Variants in SMAD3 observed in about 807,000 individuals in gnomAD.
SMAD3 encodes MAD homolog 3.
A neutral mutation model predicts 51.8 loss-of-function variants in SMAD3; 12 were observed. The observed-to-expected ratio is 0.23, with a 90% CI of 0.15 to 0.38. The LOEUF is 0.38. Ranked by LOEUF, SMAD3 falls within the 10% of genes least tolerant of loss-of-function variation. The pLI is 1.00. For missense variants in SMAD3, 294 were observed against 565.6 expected (o/e 0.52, Z 4.87); for synonymous variants, 238 against 227.7 (o/e 1.05, Z -0.41).
chr15:67,113,258 T>A lies in SMAD3; in HGVS notation c.206+46898T>A, dbSNP rs1416656134. 7.2e-5 allele frequency among the ~76,000 whole-genome samples: 10 copies of A among 138,738 alleles called. 3 individuals carry two copies. The highest frequency in any genetic ancestry group is 5.2e-4 in the Admixed American group (7 of 13,362). The allele number at this position is 138,738 out of a possible 152,430, so 91.0% of individuals were successfully genotyped here. A position where few individuals can be genotyped will look rare whatever the true frequency, so the allele number is the denominator to read the frequency against. On this transcript the variant is annotated intron_variant, in intron 1 of 8. Transcript: ENST00000327367. ...CCTGCCACCACGCCCGGCCAATTTT[T>A]TTTTTGTATTTTTAGTAGAGACGAG...
chr15:67,098,633 G>A (rs939920568), intron 1 of SMAD3: 17 of 526,350 alleles, frequency 3.2e-5, no homozygotes, highest in African/African-American at 9.5e-5. Flanking sequence ...TGCTTATTTC[G>A]AGGGTGGGGC....
chr15:67,183,202 C>G (rs1963133621), intron 6 of SMAD3, among the ~76,000 whole-genome samples: 1 of 150,430 alleles, frequency 6.6e-6, no homozygotes, highest in African/African-American at 2.5e-5. Flanking sequence ...GCCACCACAC[C>G]TGGCTAATTT....
chr15:67,158,875 G>C (rs1036207886), intron 1 of SMAD3, among the ~76,000 whole-genome samples: 1 of 152,082 alleles, frequency 6.6e-6, no homozygotes, highest in Non-Finnish European at 1.5e-5. Context: ...TTACTTTGCC[G>C]GCCACTATCA....
chr15:67,098,604 T>G, intron 1 of SMAD3: 1 of 468,486 alleles, frequency 2.1e-6, no homozygotes, highest in Non-Finnish European at 3.9e-6. Context: ...AACCACAGAG[T>G]ACATTTGAGG....
chr15:67,192,127 G>C lies in SMAD3; in HGVS notation c.*1591G>C, dbSNP rs1963382152. 1 of 232,726 alleles carries C rather than the reference G, an allele frequency of 4.3e-6. No individual in the cohort carries two copies. The allele number at this position is 232,726 out of a possible 1,614,324, so 14.4% of individuals were successfully genotyped here. On this transcript the variant is annotated 3_prime_UTR_variant, in exon 9 of 9. Coordinates refer to ENST00000327367, the MANE Select transcript of SMAD3 (RefSeq NM_005902.4). ...CTATGGAAGTCCTGCTTTATTCCAG[G>C]TGAAGGGAAGGAAGTGTATATACTT...
chr15:67,072,923 C>A (rs963494682), intron 1 of SMAD3, among the ~76,000 whole-genome samples: 1 of 152,214 alleles, frequency 6.6e-6, no homozygotes, highest in African/African-American at 2.4e-5. Flanking sequence ...TTGTCCAGTT[C>A]ATTTTTATGC....
chr15:67,186,766 C>T (rs1258021452), intron 7 of SMAD3: 1 of 246,440 alleles, frequency 4.1e-6, no homozygotes, highest in African/African-American at 2.3e-5. Flanking sequence ...TGGCCCAGAT[C>T]TCTCCTTACC....
chr15:67,154,784 A>T (rs1366440788), intron 1 of SMAD3, among the ~76,000 whole-genome samples: 1 of 152,236 alleles, frequency 6.6e-6, no homozygotes, highest in Non-Finnish European at 1.5e-5. Flanking sequence ...ATGTCTTTCA[A>T]CCAGAGTCAA....
At chr15:67,122,981 T>C (rs893221695) in intron 1 of SMAD3, among the ~76,000 whole-genome samples, 1 of 151,528 alleles carries the variant, frequency 6.6e-6, no homozygotes, top group African/African-American at 2.4e-5. Flanking sequence ...AGGCCAGAAG[T>C]TTGAGACCAG....
chr15:67,138,443 G>T, intron 1 of SMAD3: 1 of 295,918 alleles, frequency 3.4e-6, no homozygotes, highest in Non-Finnish European at 6.6e-6. Flanking sequence ...GGGGAGGGGA[G>T]CTATTTGTTC....
chr15:67,165,510 C>G, intron 3 of SMAD3, 126 bp downstream of exon 3: 3 of 1,198,960 alleles, frequency 2.5e-6, no homozygotes, highest in Non-Finnish European at 3.6e-6. Flanking sequence ...GCGCACAGCT[C>G]TGGCCTGAGG....
At chr15:67,098,881 G>T in intron 1 of SMAD3, 2 of 702,060 alleles carry the variant, frequency 2.8e-6, no homozygotes, top group East Asian at 2.7e-5. Context: ...TGGATGGGAG[G>T]GTGGACTCCG....
chr15:67,087,617 G>A (rs2140210862), intron 1 of SMAD3, among the ~76,000 whole-genome samples: 1 of 152,306 alleles, frequency 6.6e-6, no homozygotes, highest in South Asian at 2.1e-4. Flanking sequence ...GTTAGGCCCT[G>A]GTTGTGGCCA....
At chr15:67,127,765 T>G (rs1961426887) in intron 1 of SMAD3, among the ~76,000 whole-genome samples, 1 of 152,178 alleles carries the variant, frequency 6.6e-6, no homozygotes, top group African/African-American at 2.4e-5. Context: ...TTATGGTCAG[T>G]CTATTCTGTG....
chr15:67,160,696 A>G (rs938103211), intron 1 of SMAD3, among the ~76,000 whole-genome samples: 1 of 145,268 alleles, frequency 6.9e-6, no homozygotes, highest in Non-Finnish European at 1.5e-5. Context: ...GCGTGACCCC[A>G]GGAGGTGGAG....
Position 67,166,866 on chromosome 15 carries a change from G to C in SMAD3, c.607+13G>C. On this transcript the variant is annotated intron_variant, in intron 4 of 8. Transcript: ENST00000327367. The stretch of plus-strand genomic sequence containing the variant: ...AGCATGGACGCAGGTCAGTCATGCA[G>C]GGTCATGCTCTTATTCTTAACTGAT... 1 of 1,574,372 alleles carries C rather than the reference G, an allele frequency of 6.4e-7. No individual in the cohort carries two copies. The highest frequency in any genetic ancestry group is 8.6e-7 in the Non-Finnish European group (1 of 1,158,108).
At chr15:67,181,697 T>A (rs1258772765) in intron 6 of SMAD3, among the ~76,000 whole-genome samples, 1 of 151,900 alleles carries the variant, frequency 6.6e-6, no homozygotes, top group African/African-American at 2.4e-5. Context: ...CTCAAAGATA[T>A]AATCTCAGAA....
At chr15:67,142,030 A>G (rs962762949) in intron 1 of SMAD3, among the ~76,000 whole-genome samples, 15 of 152,154 alleles carry the variant, frequency 9.9e-5, no homozygotes, top group African/African-American at 2.4e-4. Flanking sequence ...TCAGTCAACA[A>G]AGGCACAGAG....
rs560348826 is a variant in SMAD3, at chr15:67,187,483, C to T, written c.1128C>T (p.Phe376=). 1.4e-4 allele frequency: 222 copies of T among 1,614,048 alleles called. No homozygotes were observed. The highest frequency in any genetic ancestry group is 1.8e-4 in the Non-Finnish European group (209 of 1,180,042). The change falls in exon 8 of 9, where the codon TTC becomes TTT. Residue 376 remains phenylalanine, a synonymous_variant. Transcript: ENST00000327367. ...GAATGTGCACCATCCGCATGAGCTT[C>T]GTCAAAGGCTGGGGAGCGGAGTACA... is the stretch of plus-strand genomic sequence containing the variant. ...LTRMCTIRMS[F]VKGWGAEYRR...
Sources: allele counts gnomAD v4.1 joint callset (sites outside exome capture counted in the v4.1 genomes callset), GRCh38; gene constraint gnomAD v4.1.1; transcripts MANE v1.5; gene names NCBI Gene and HGNC (gene_info 2026-07-23, HGNC 2026-07-21).